Variants in PLXNA2 observed in about 807,000 individuals in gnomAD.
PLXNA2 encodes plexin-A2.
In PLXNA2, 91 loss-of-function variants were observed where a neutral mutation model predicts 193.5. The observed-to-expected ratio is 0.47, with a 90% CI of 0.40 to 0.56. The LOEUF (loss-of-function observed/expected upper bound fraction) is 0.56, where lower values mean the gene tolerates loss of function less well. Among genes scored for constraint, PLXNA2 ranks in the 20% least tolerant of loss-of-function variants. PLXNA2 has a pLI of 0.00. For missense variants in PLXNA2, 1,995 were observed against 2,503.2 expected (o/e 0.80, Z 4.33); for synonymous variants, 997 against 1,027.3 (o/e 0.97, Z 0.56).
At chr1:208,070,016 C>T (rs1392332842) in intron 12 of PLXNA2, among the ~76,000 whole-genome samples, 1 of 152,222 alleles carries the variant, frequency 6.6e-6, no homozygotes. Flanking sequence ...CTTGAAGGTT[C>T]CACAGTGAGT....
chr1:208,148,341 A>G lies in PLXNA2; in HGVS notation c.1372-5878T>C, dbSNP rs190106273. Among the ~76,000 whole-genome samples the G allele has an allele frequency of 2.6e-5, 4 of 152,246 alleles. No homozygotes were observed. The South Asian group carries it at 6.2e-4, about 24-fold the overall frequency. On this transcript the variant is annotated intron_variant, in intron 3 of 31. Transcript: ENST00000367033. ...TGGGAATCTTCTTCTTGGGTTTCTT[A>G]GTAGCAAAGAGATTGGTTTGAAAGG...
At chr1:208,237,467 G>A (rs966521724) in intron 1 of PLXNA2, among the ~76,000 whole-genome samples, 9 of 152,146 alleles carry the variant, frequency 5.9e-5, no homozygotes, top group African/African-American at 9.7e-5. Flanking sequence ...AATACAACAC[G>A]AAAATCCTTG....
intron 9 of PLXNA2, among the ~76,000 whole-genome samples, chr1:208,088,257 A>G (rs1000233833): frequency 1.3e-4 from 20 of 152,304 alleles, no homozygotes; most frequent in South Asian, 2.1e-4. Context: ...TAGGAGCCCT[A>G]TGAGTCTTGG....
chr1:208,132,836 A>C (rs1254068472), intron 4 of PLXNA2, among the ~76,000 whole-genome samples: 2 of 152,188 alleles, frequency 1.3e-5, no homozygotes, highest in African/African-American at 4.8e-5. Flanking sequence ...TTTAATCTTC[A>C]AACAGATGCC....
rs1444543201 is a variant in PLXNA2 at position 208,039,981 on chromosome 1, C to T, written c.4353+11G>A. 5.6e-6 allele frequency: 9 copies of T among 1,613,640 alleles called. No homozygotes were observed. Among genetic ancestry groups the T allele is most frequent in the Non-Finnish European group, 7.6e-6 (9 of 1,179,538 alleles). On this transcript the variant is annotated intron_variant, in intron 23 of 31. Coordinates refer to ENST00000367033, the MANE Select transcript of PLXNA2 (RefSeq NM_025179.4). ...CCTGGACGCTAGGCCCCGTCTCACT[C>T]CCTTTCTCACCTTTAGGAACTTGTG...
Position 208,038,341 on chromosome 1 carries a change from C to A in PLXNA2, c.4764+30G>T, listed in dbSNP as rs1664741431. On this transcript the variant is annotated intron_variant, in intron 26 of 31. Transcript: ENST00000367033. This position sits in a 1 kb window ranked among gnomAD's most constrained non-coding sequence, Gnocchi z 4.1. Reference sequence around the variant, plus strand: ...AGCGGGAAGGGAACATTCTGGGAAGCTGAAGAGGGGAAAAGACACCCCCTC... The same window carrying A: ...AGCGGGAAGGGAACATTCTGGGAAGATGAAGAGGGGAAAAGACACCCCCTC... The A allele has an allele frequency of 6.9e-7, 1 of 1,447,392 alleles. No individual in the cohort carries two copies. The allele number at this position is 1,447,392 out of a possible 1,614,324, so 89.7% of individuals were successfully genotyped here.
At chr1:208,031,458 C>T in intron 29 of PLXNA2, 132 bp downstream of exon 29, 1 of 1,246,152 alleles carries the variant, frequency 8.0e-7, no homozygotes, top group Non-Finnish European at 1.1e-6. Context: ...ACTGTTTGTT[C>T]CAGGAGCTTT....
intron 28 of PLXNA2, among the ~76,000 whole-genome samples, chr1:208,032,797 A>T (rs908086661): frequency 6.6e-6 from 1 of 152,222 alleles, no homozygotes; most frequent in African/African-American, 2.4e-5. Context: ...TTGTGGCCAG[A>T]AAGGGGATAG....
Position 208,093,943 on chromosome 1 carries a change from C to G in PLXNA2, c.1983-1043G>C, listed in dbSNP as rs148956097. Among the ~76,000 whole-genome samples, 46 of 152,280 alleles carry G rather than the reference C, an allele frequency of 3.0e-4. 1 individual carries two copies. The highest frequency in any genetic ancestry group is 1.0e-3 in the African/African-American group (43 of 41,546). On this transcript the variant is annotated intron_variant, in intron 8 of 31. Transcript: ENST00000367033. ...GGACAGGACCAGGTCTGCAGTCTGG[C>G]GCCACCTGGTGGGGCTCTGATTACA...
chr1:208,126,971 A>G (rs960150395), intron 4 of PLXNA2, among the ~76,000 whole-genome samples: 1 of 152,246 alleles, frequency 6.6e-6, no homozygotes, highest in African/African-American at 2.4e-5. Context: ...AATGAAGTTA[A>G]GAGGAAAAAG....
chr1:208,102,508 T>C (rs1198341112), intron 5 of PLXNA2, among the ~76,000 whole-genome samples: 1 of 152,254 alleles, frequency 6.6e-6, no homozygotes, highest in Non-Finnish European at 1.5e-5. Flanking sequence ...AGATGTGAAC[T>C]TCTTAGAATC....
At chr1:208,046,542 G>A (rs769986365) in intron 17 of PLXNA2, among the ~76,000 whole-genome samples, 6 of 151,972 alleles carry the variant, frequency 3.9e-5, no homozygotes, top group Non-Finnish European at 7.4e-5. Context: ...TACTCTAGGA[G>A]TGTCTGTGTG....
chr1:208,101,633 G>A (rs1440944469), intron 5 of PLXNA2, among the ~76,000 whole-genome samples: 1 of 152,194 alleles, frequency 6.6e-6, no homozygotes, highest in African/African-American at 2.4e-5. Context: ...TTGCGGCAGC[G>A]GGGAGGCCCA....
intron 3 of PLXNA2, among the ~76,000 whole-genome samples, chr1:208,199,562 G>A (rs1262885391): frequency 1.3e-5 from 2 of 152,044 alleles, no homozygotes; most frequent in Admixed American, 1.3e-4. Flanking sequence ...GTGGTGGCAT[G>A]AGCCTGTAAT....
chr1:208,192,660 G>C (rs1440571190), intron 3 of PLXNA2, among the ~76,000 whole-genome samples: 1 of 152,046 alleles, frequency 6.6e-6, no homozygotes, highest in Non-Finnish European at 1.5e-5. Flanking sequence ...GCCAAGGTGG[G>C]CAGATCACTT....
At chr1:208,090,227 A>C (rs1226479829) in intron 9 of PLXNA2, among the ~76,000 whole-genome samples, 2 of 152,162 alleles carry the variant, frequency 1.3e-5, no homozygotes, top group African/African-American at 4.8e-5. Context: ...GCACACGAGC[A>C]TAAGAGAGCA....
chr1:208,150,093 A>G (rs1028409072), intron 3 of PLXNA2, among the ~76,000 whole-genome samples: 3 of 152,174 alleles, frequency 2.0e-5, no homozygotes, highest in Non-Finnish European at 4.4e-5. Context: ...CTAGCAGAGG[A>G]GAGGAAGAAG....
At chr1:208,156,571 C>T (rs540149359) in intron 3 of PLXNA2, among the ~76,000 whole-genome samples, 2 of 152,172 alleles carry the variant, frequency 1.3e-5, no homozygotes, top group African/African-American at 2.4e-5. Context: ...GGCATGCAAA[C>T]GAGTCAGTTT....
At chr1:208,096,952 G>C in intron 6 of PLXNA2, 69 bp from the exon 7 acceptor site, 2 of 1,471,838 alleles carry the variant, frequency 1.4e-6, no homozygotes, top group Non-Finnish European at 1.8e-6. Flanking sequence ...GTCCAGCCCT[G>C]CTGTGACCCA....
Sources: gnomAD v4.1 joint callset for allele counts (sites outside exome capture counted in the v4.1 genomes callset) on GRCh38, gnomAD v4.1.1 for gene constraint, Gnocchi (gnomAD v3.1) non-coding constraint, MANE v1.5 for transcripts, NCBI Gene and HGNC (gene_info 2026-07-23, HGNC 2026-07-21) for gene names.